DNAH17: variants seen among roughly 807,000 people sequenced by gnomAD.
DNAH17 encodes dynein axonemal heavy chain 17.
A neutral mutation model predicts 485.6 loss-of-function variants in DNAH17; 376 were observed. The ratio of observed to expected loss-of-function variants is 0.77; its 90% confidence interval spans 0.71 to 0.84. The LOEUF (loss-of-function observed/expected upper bound fraction) is 0.84. DNAH17 is among the 40% of genes least tolerant of loss of function. The probability of loss-of-function intolerance (pLI) is 0.00; values close to 1 mark genes in which losing one functional copy is unlikely to be tolerated. For missense variants in DNAH17, 6,370 were observed against 5,839.3 expected (o/e 1.09, Z -2.96); for synonymous variants, 3,031 against 2,405.9 (o/e 1.26, Z -7.60).
chr17:78,498,678 C>A (rs1355333249), intron 37 of DNAH17, among the ~76,000 whole-genome samples: 1 of 152,244 alleles, frequency 6.6e-6, no homozygotes, highest in East Asian at 1.9e-4. Flanking sequence ...CTGCCATTCC[C>A]TTTCAGCACC....
intron 69 of DNAH17, among the ~76,000 whole-genome samples, chr17:78,448,864 A>T (rs527528909): frequency 6.6e-6 from 1 of 152,208 alleles, no homozygotes; most frequent in African/African-American, 2.4e-5. Flanking sequence ...TTTCATATGG[A>T]ACTTCCCAGA....
intron 80 of DNAH17, 157 bp downstream of exon 80, chr17:78,425,189 C>T: frequency 1.4e-6 from 1 of 703,086 alleles, no homozygotes; most frequent in Non-Finnish European, 2.3e-6. Context: ...GTCAGCGTGG[C>T]TCTGACCTGC....
At chr17:78,575,566 C>T (rs998148482) in intron 1 of DNAH17, among the ~76,000 whole-genome samples, 5 of 152,180 alleles carry the variant, frequency 3.3e-5, no homozygotes, top group African/African-American at 4.8e-5. Context: ...TGAGGCTCAG[C>T]GCTCAGTCTT....
chr17:78,459,898 T>C lies in DNAH17; in HGVS notation c.9539A>G (p.Lys3180Arg). 3 of 1,614,040 alleles carry C rather than the reference T, an allele frequency of 1.9e-6. No individual in the cohort carries two copies. The highest frequency in any genetic ancestry group is 1.7e-6 in the Non-Finnish European group (2 of 1,179,892). ...CTTGGCCGCCTTCCAGCTCTTGTCCTTGGGGATCTTGCCCCCAGGTGCGGT... is the reference window on the plus strand; with the variant it reads ...CTTGGCCGCCTTCCAGCTCTTGTCCCTGGGGATCTTGCCCCCAGGTGCGGT... ...ILTAPGGKIP[K>R]DKSWKAAKIM... Residue 3180 changes from lysine to arginine, a missense_variant, in exon 60 of 81, where the codon AAG becomes AGG. Lys to Arg is a conservative substitution (Grantham distance 26). Coordinates refer to ENST00000389840, the MANE Select transcript of DNAH17 (RefSeq NM_173628.4).
intron 43 of DNAH17, among the ~76,000 whole-genome samples, 163 bp downstream of exon 43, chr17:78,491,280 A>G (rs947887725): frequency 6.6e-6 from 1 of 152,234 alleles, no homozygotes; most frequent in Non-Finnish European, 1.5e-5. Flanking sequence ...ACAAAGTCTC[A>G]CGACAAGGTG....
In DNAH17 at chr17:78,500,450, G is replaced by A. The variant is rs2090240603; in HGVS notation, c.5495C>T (p.Thr1832Ile). Residue 1832 changes from threonine to isoleucine, a missense_variant, in exon 36 of 81, where the codon ACC becomes ATC. Coordinates refer to ENST00000389840, the MANE Select transcript of DNAH17 (RefSeq NM_173628.4). Reference sequence around the variant, plus strand: ...GATGAGATGGAGGGACTGGGTCAGGGTGATATAGCACCTGCAAGTGACCAC... The same window carrying A: ...GATGAGATGGAGGGACTGGGTCAGGATGATATAGCACCTGCAAGTGACCAC... The part of the protein sequence containing the change: ...ITPLTDRCYI[T>I]LTQSLHLIMG... 3 of 1,584,404 alleles carry A rather than the reference G, an allele frequency of 1.9e-6. No individual in the cohort carries two copies. The highest frequency in any genetic ancestry group is 2.3e-5 in the South Asian group (2 of 87,220).
At chr17:78,472,408 G>GAGGCC (rs979946500) in intron 54 of DNAH17, among the ~76,000 whole-genome samples, 11 of 152,148 alleles carry the variant, frequency 7.2e-5, no homozygotes, top group African/African-American at 2.4e-4. Flanking sequence ...AGAATAACAT[G>GAGGCC]AGGCCAAGCC....
At chr17:78,436,871 AACAAACAAAC>A (rs1204587871) in intron 74 of DNAH17, among the ~76,000 whole-genome samples, 2 of 150,398 alleles carry the variant, frequency 1.3e-5, no homozygotes, top group Non-Finnish European at 3.0e-5. Context: ...CAAACAAACA[AACAAACAAAC>A]ACGTGGCCAG....
intron 31 of DNAH17, among the ~76,000 whole-genome samples, chr17:78,504,464 T>A (rs2090417226): frequency 9.7e-6 from 1 of 103,348 alleles, no homozygotes; most frequent in Admixed American, 1.0e-4. Flanking sequence ...TCTAGACAGA[T>A]GCTGTCACCA....
intron 51 of DNAH17, among the ~76,000 whole-genome samples, chr17:78,477,534 A>G (rs1017096743): frequency 9.9e-5 from 15 of 152,170 alleles, no homozygotes; most frequent in African/African-American, 3.1e-4. Flanking sequence ...ACACTCCACC[A>G]TGCCCAGCTA....
intron 9 of DNAH17, among the ~76,000 whole-genome samples, chr17:78,568,895 G>A (rs2092309509): frequency 6.6e-6 from 1 of 152,160 alleles, no homozygotes; most frequent in Non-Finnish European, 1.5e-5. Flanking sequence ...CTGAACGTGG[G>A]GGTTTAACTT....
At chr17:78,563,253 G>T (rs534440043) in intron 11 of DNAH17, among the ~76,000 whole-genome samples, 177 of 152,236 alleles carry the variant, frequency 1.2e-3, no homozygotes, top group African/African-American at 3.9e-3. Flanking sequence ...TATTTGTATT[G>T]TGAGTTGTAC....
At chr17:78,504,102 A>C (rs2090402561) in intron 31 of DNAH17, among the ~76,000 whole-genome samples, 1 of 151,004 alleles carries the variant, frequency 6.6e-6, no homozygotes, top group Admixed American at 6.6e-5. Context: ...GTCTCACTCT[A>C]TTACCCAGAC....
intron 34 of DNAH17, 31 bp downstream of exon 34, chr17:78,501,711 C>T (rs2090297718): frequency 6.2e-7 from 1 of 1,607,128 alleles, no homozygotes; most frequent in East Asian, 2.2e-5. Flanking sequence ...CCTTGCCCTT[C>T]CCCTGGCCCC....
In DNAH17 at chr17:78,428,577, T is replaced by C. The variant is rs2086563087; in HGVS notation, c.12536A>G (p.Gln4179Arg). The C allele has an allele frequency of 1.9e-6, 3 of 1,613,914 alleles. No individual in the cohort carries two copies. The East Asian group carries it at 6.7e-5, about 36-fold the overall frequency. The change falls in exon 77 of 81, where the codon CAG (glutamine) becomes CGG (arginine). Residue 4179 changes from glutamine to arginine, a missense_variant. Gln to Arg is a conservative substitution (Grantham distance 43). Transcript: ENST00000389840. The stretch of plus-strand genomic sequence containing the variant: ...TGCCCCCGAGTCCGTCTCTTTTGGC[T>C]GCATTTCCAGGACAGTGCGGAACAG... ...EKLFRTVLEM[Q>R]PKETDSGAGT...
chr17:78,455,663 G>C lies in DNAH17; in HGVS notation c.10151C>G (p.Pro3384Arg). The stretch of plus-strand genomic sequence containing the variant: ...CCTTACCTTTAAGTTATGTATGTAA[G>C]GGATCCAGAATTTCTCCATCAGCTC... ...RNELMEKFWI[P>R]YIHNLKVPIP... Residue 3384 changes from proline (P) to arginine (R), a missense_variant, in exon 63 of 81, where the codon CCT (proline) becomes CGT (arginine). Coordinates refer to ENST00000389840, the MANE Select transcript of DNAH17 (RefSeq NM_173628.4). 1.3e-6 allele frequency: 2 copies of C among 1,556,790 alleles called. No individual in the cohort carries two copies. Among genetic ancestry groups the C allele is most frequent in the Non-Finnish European group, 8.7e-7 (1 of 1,150,234 alleles).
intron 63 of DNAH17, among the ~76,000 whole-genome samples, chr17:78,455,181 A>T (rs1449912740): frequency 6.6e-6 from 1 of 151,988 alleles, no homozygotes; most frequent in Non-Finnish European, 1.5e-5. Context: ...AAGTGCTGGG[A>T]TTACAGGCGT....
rs748191163 is a variant in DNAH17 at position 78,561,927 on chromosome 17, C to G, written c.1623G>C (p.Val541=). The G allele has an allele frequency of 5.6e-6, 9 of 1,613,280 alleles. No homozygotes were observed. The highest frequency in any genetic ancestry group is 7.6e-6 in the Non-Finnish European group (9 of 1,179,664). The change falls in exon 12 of 81, where the codon GTG becomes GTC. Residue 541 remains valine, a synonymous_variant. Transcript: ENST00000389840. Reference sequence around the variant, plus strand: ...CCAGCATGACTGAATACCTGGGCGCCACCTCGGCAAGAATCAGGGGCCGCT... The same window carrying G: ...CCAGCATGACTGAATACCTGGGCGCGACCTCGGCAAGAATCAGGGGCCGCT... ...LMERPLILAE[V]APRYSVMLEL...
intron 54 of DNAH17, 104 bp from the exon 55 acceptor site, chr17:78,468,987 G>T (rs143051582): frequency 3.6e-6 from 5 of 1,384,740 alleles, no homozygotes; most frequent in African/African-American, 2.9e-5. Context: ...TCTTTGAGAC[G>T]GAGTCTCGCT....
Sources: gnomAD v4.1 joint callset for allele counts (sites outside exome capture counted in the v4.1 genomes callset) on GRCh38, gnomAD v4.1.1 for gene constraint, MANE v1.5 for transcripts, NCBI Gene and HGNC (gene_info 2026-07-23, HGNC 2026-07-21) for gene names.